DNAH11: variants seen among roughly 807,000 people sequenced by gnomAD.
DNAH11 encodes axonemal beta dynein heavy chain 11.
A neutral mutation model predicts 526.0 loss-of-function variants in DNAH11; 442 were observed. The observed-to-expected ratio is 0.84, with a 90% CI of 0.78 to 0.91. The LOEUF is 0.91. Among genes scored for constraint, DNAH11 ranks in the 40% least tolerant of loss-of-function variants. The pLI is 0.00. For synonymous variants in DNAH11, 2,461 were observed against 1,935.9 expected, an observed-to-expected ratio of 1.27 and a Z score of -7.12; for missense variants, 6,989 against 5,448.7, an observed-to-expected ratio of 1.28 and a Z score of -8.90.
At chr7:21,896,801 T>G (rs1784530432) in intron 79 of DNAH11, among the ~76,000 whole-genome samples, 1 of 152,188 alleles carries the variant, frequency 6.6e-6, no homozygotes, top group African/African-American at 2.4e-5. Context: ...GCGCAGTGGC[T>G]CATGCCCAGC....
chr7:21,711,548 A>G (rs1562503032), intron 41 of DNAH11, among the ~76,000 whole-genome samples, 164 bp from the exon 42 acceptor site: 1 of 152,220 alleles, frequency 6.6e-6, no homozygotes, highest in East Asian at 1.9e-4. Context: ...AGGGTCAGTC[A>G]GGTCATCTCA....
intron 45 of DNAH11, among the ~76,000 whole-genome samples, chr7:21,729,758 A>G (rs1316806763): frequency 1.3e-5 from 2 of 152,178 alleles, no homozygotes; most frequent in East Asian, 1.9e-4. Context: ...TTTAATGTCC[A>G]TATTTCCACC....
At position 21,581,926 on chromosome 7, in the gene DNAH11, G is replaced by A. The variant is rs1378720248; in HGVS notation, c.1615G>A (p.Ala539Thr). Residue 539 changes from alanine (A) to threonine (T), a missense_variant, in exon 9 of 82, where the codon GCA becomes ACA. Ala to Thr is a moderately conservative substitution (Grantham distance 58). Coordinates refer to ENST00000409508, the MANE Select transcript of DNAH11 (RefSeq NM_001277115.2). ...ACAGGAGTTTGAAAGTGATTATGTGGCATTTAAGTCCAAAACTCTGGAATT... is the reference window on the plus strand; with the variant it reads ...ACAGGAGTTTGAAAGTGATTATGTGACATTTAAGTCCAAAACTCTGGAATT... ...TNMEFESDYV[A>T]FKSKTLEFDR... is the part of the protein sequence containing the mutation. 1.2e-6 allele frequency: 2 copies of A among 1,609,678 alleles called. No individual in the cohort carries two copies. Among genetic ancestry groups the A allele is most frequent in the African/African-American group, 1.3e-5 (1 of 74,826 alleles).
chr7:21,866,051 T>G (rs1783261917), intron 70 of DNAH11, among the ~76,000 whole-genome samples: 2 of 152,178 alleles, frequency 1.3e-5, no homozygotes, highest in African/African-American at 4.8e-5. Flanking sequence ...TTATGACCTG[T>G]ATCTTGTGCC....
At chr7:21,787,087 A>G (rs1162567306) in intron 59 of DNAH11, among the ~76,000 whole-genome samples, 1 of 152,172 alleles carries the variant, frequency 6.6e-6, no homozygotes, top group Non-Finnish European at 1.5e-5. Context: ...TTGCTAATGT[A>G]TAGGAAGGTG....
chr7:21,724,543 C>T (rs1470179346), intron 44 of DNAH11, among the ~76,000 whole-genome samples: 4 of 150,822 alleles, frequency 2.7e-5, no homozygotes, highest in African/African-American at 9.9e-5. Context: ...AAGAGTTCAT[C>T]AAACTCACTA....
intron 20 of DNAH11, among the ~76,000 whole-genome samples, chr7:21,614,237 A>G (rs1032975158): frequency 3.9e-5 from 6 of 152,208 alleles, no homozygotes; most frequent in African/African-American, 1.4e-4. Context: ...TGGGAGGAGG[A>G]TGGGAGAAAA....
At chr7:21,830,626 C>G (rs1790510825) in intron 65 of DNAH11, among the ~76,000 whole-genome samples, 1 of 152,074 alleles carries the variant, frequency 6.6e-6, no homozygotes, top group Admixed American at 6.5e-5. Flanking sequence ...GTTCTAGTCC[C>G]AGCTCTGCCT....
chr7:21,756,990 TC>T (rs1786666638), intron 54 of DNAH11, among the ~76,000 whole-genome samples: 1 of 152,302 alleles, frequency 6.6e-6, no homozygotes, highest in African/African-American at 2.4e-5. Flanking sequence ...TACAGCATTT[TC>T]CACTCCTGCC....
intron 61 of DNAH11, among the ~76,000 whole-genome samples, chr7:21,798,521 A>G (rs115568326): frequency 0.01 from 1,555 of 152,316 alleles, 37 homozygotes; most frequent in African/African-American, 0.033. Context: ...TCAAACATCT[A>G]TTTTGTGAAA....
intron 37 of DNAH11, 70 bp from the exon 38 acceptor site, chr7:21,704,364 A>G: frequency 6.9e-7 from 1 of 1,456,896 alleles, no homozygotes; most frequent in East Asian, 2.5e-5. Context: ...AAAAATAACA[A>G]ACATCTTTAG....
intron 25 of DNAH11, among the ~76,000 whole-genome samples, chr7:21,629,293 A>C (rs1786490304): frequency 2.0e-5 from 3 of 152,136 alleles, no homozygotes; most frequent in Admixed American, 1.3e-4. Context: ...TCTACTTTTT[A>C]GAATTTTTTG....
At chr7:21,696,400 G>C (rs1380564100) in intron 35 of DNAH11, among the ~76,000 whole-genome samples, 2 of 152,084 alleles carry the variant, frequency 1.3e-5, no homozygotes, top group African/African-American at 4.8e-5. Flanking sequence ...CTAACATCTT[G>C]TATTGAATGT....
At chr7:21,720,141 C>T (rs1182904817) in intron 43 of DNAH11, among the ~76,000 whole-genome samples, 2 of 152,218 alleles carry the variant, frequency 1.3e-5, no homozygotes, top group African/African-American at 4.8e-5. Flanking sequence ...GTCCAAAAAA[C>T]TGCCACAGGC....
chr7:21,870,257 C>T (rs562551754), intron 73 of DNAH11, among the ~76,000 whole-genome samples: 39 of 152,280 alleles, frequency 2.6e-4, no homozygotes, highest in African/African-American at 9.4e-4. Context: ...GCGTTGGCCT[C>T]CCTTAGTGTC....
intron 61 of DNAH11, among the ~76,000 whole-genome samples, chr7:21,797,009 G>A (rs530143892): frequency 6.2e-4 from 94 of 152,122 alleles, no homozygotes; most frequent in South Asian, 4.2e-3. Context: ...AAAAGTGATA[G>A]GAATGAAAGT....
intron 6 of DNAH11, among the ~76,000 whole-genome samples, chr7:21,565,870 A>C (rs2128434132): frequency 6.6e-6 from 1 of 152,306 alleles, no homozygotes; most frequent in East Asian, 1.9e-4. Context: ...GTAGCAGATA[A>C]CAACAGGTCG....
At chr7:21,597,892 C>A (rs1039548185) in intron 14 of DNAH11, among the ~76,000 whole-genome samples, 1 of 152,196 alleles carries the variant, frequency 6.6e-6, no homozygotes, top group African/African-American at 2.4e-5. Flanking sequence ...GCTGTGTATA[C>A]TTTCCTAGGG....
At chr7:21,734,725 G>T (rs76162749) in intron 45 of DNAH11, among the ~76,000 whole-genome samples, 19,792 of 152,106 alleles carry the variant, frequency 0.13, 1,513 homozygotes, top group African/African-American at 0.21. Flanking sequence ...GGGCATGGTG[G>T]TGCATGCCTG....
Sources: allele counts gnomAD v4.1 joint callset (sites outside exome capture counted in the v4.1 genomes callset), GRCh38; gene constraint gnomAD v4.1.1; transcripts MANE v1.5; gene names NCBI Gene and HGNC (gene_info 2026-07-23, HGNC 2026-07-21).